Variants in MYO3A observed in about 807,000 individuals in gnomAD.
MYO3A encodes the protein myosin IIIA.
In MYO3A, 180 loss-of-function variants were observed where a neutral mutation model predicts 192.7. The ratio of observed to expected loss-of-function variants is 0.93; its 90% CI spans 0.83 to 1.06. MYO3A has a LOEUF of 1.06. MYO3A is among the 50% of genes least tolerant of loss of function. MYO3A has a pLI of 0.00. For synonymous variants in MYO3A, 628 were observed against 645.3 expected (o/e 0.97, Z 0.41); for missense variants, 1,896 against 1,905.0 (o/e 1.00, Z 0.09).
At chr10:26,168,623 T>C (rs1421125161) in intron 27 of MYO3A, 89 bp from the exon 28 acceptor site, 19 of 1,361,278 alleles carry the variant, frequency 1.4e-5, no homozygotes, top group Non-Finnish European at 1.9e-5. Flanking sequence ...CTCAAGCAAT[T>C]TAGAATGTGT....
At chr10:25,943,866 T>A (rs1836664360) in intron 2 of MYO3A, among the ~76,000 whole-genome samples, 1 of 151,778 alleles carries the variant, frequency 6.6e-6, no homozygotes, top group Non-Finnish European at 1.5e-5. Context: ...ATTTCAATTC[T>A]TTCTTTCCAG....
chr10:26,148,998 C>T (rs189326800), intron 23 of MYO3A, among the ~76,000 whole-genome samples: 117 of 152,068 alleles, frequency 7.7e-4, no homozygotes, highest in Admixed American at 1.8e-3. Context: ...TGGCTAGAAT[C>T]ACAATGCAAT....
At chr10:26,003,906 C>G (rs1169809777) in intron 6 of MYO3A, among the ~76,000 whole-genome samples, 3 of 152,100 alleles carry the variant, frequency 2.0e-5, no homozygotes, top group Non-Finnish European at 2.9e-5. Context: ...CATTTTAGAC[C>G]AAATCCCCAA....
chr10:25,939,683 T>G (rs1252463670), intron 2 of MYO3A, among the ~76,000 whole-genome samples: 1 of 151,788 alleles, frequency 6.6e-6, no homozygotes, highest in East Asian at 1.9e-4. Context: ...GCTCAGAGAG[T>G]GTATCTATTC....
chr10:25,947,110 G>A (rs747118290), intron 2 of MYO3A, among the ~76,000 whole-genome samples: 11 of 151,222 alleles, frequency 7.3e-5, no homozygotes, highest in South Asian at 2.1e-4. Flanking sequence ...ATATTCCTTC[G>A]TTCTTTTTTC....
intron 12 of MYO3A, among the ~76,000 whole-genome samples, chr10:26,069,705 C>A (rs7097387): frequency 2.0e-5 from 3 of 151,628 alleles, no homozygotes; most frequent in Non-Finnish European, 4.4e-5. Flanking sequence ...TGTTAAATGA[C>A]GTGAAAGGAA....
intron 10 of MYO3A, among the ~76,000 whole-genome samples, chr10:26,028,116 T>C (rs1209059775): frequency 6.6e-6 from 1 of 152,240 alleles, no homozygotes; most frequent in Non-Finnish European, 1.5e-5. Flanking sequence ...GCCTACTATG[T>C]GCCAGATTTT....
At chr10:25,969,053 T>C (rs1449551507) in intron 4 of MYO3A, among the ~76,000 whole-genome samples, 6 of 152,222 alleles carry the variant, frequency 3.9e-5, no homozygotes, top group South Asian at 2.1e-4. Flanking sequence ...TCCTGGCTAA[T>C]ACGGTGAAAC....
chr10:26,001,295 A>G (rs934706701), intron 6 of MYO3A, among the ~76,000 whole-genome samples: 2 of 152,140 alleles, frequency 1.3e-5, no homozygotes, highest in Admixed American at 1.3e-4. Context: ...AGCTTTTCCA[A>G]ACCCTTAGCT....
At chr10:26,073,644 AATAAT>A (rs1835352010) in intron 14 of MYO3A, among the ~76,000 whole-genome samples, 1 of 151,266 alleles carries the variant, frequency 6.6e-6, no homozygotes, top group African/African-American at 2.4e-5. Context: ...TAATAATAAT[AATAAT>A]GATAATAAAT....
intron 29 of MYO3A, among the ~76,000 whole-genome samples, chr10:26,171,873 A>G (rs1168852884): frequency 6.6e-6 from 1 of 152,208 alleles, no homozygotes; most frequent in Non-Finnish European, 1.5e-5. Flanking sequence ...AGGAAGTGTG[A>G]TGTTCAATTA....
intron 26 of MYO3A, among the ~76,000 whole-genome samples, chr10:26,164,895 G>A (rs907263730): frequency 6.6e-6 from 1 of 152,154 alleles, no homozygotes; most frequent in African/African-American, 2.4e-5. Flanking sequence ...ATGCAGAGTC[G>A]CCGCTACTGG....
Position 26,065,973 on chromosome 10 carries a change from G to A in MYO3A, c.954-1002G>A, listed in dbSNP as rs1489243955. 2.2e-5 allele frequency among the ~76,000 whole-genome samples: 2 copies of A among 92,304 alleles called. 1 individual carries two copies. Among genetic ancestry groups the A allele is most frequent in the East Asian group, 4.9e-4 (2 of 4,054 alleles). 60.6% of individuals were successfully genotyped at this position (92,304 alleles called of 152,430 possible). A position where few individuals can be genotyped will look rare whatever the true frequency, so the allele number is the denominator to read the frequency against. On this transcript the variant is annotated intron_variant, in intron 10 of 34. Coordinates refer to ENST00000642920, the MANE Select transcript of MYO3A (RefSeq NM_017433.5). The stretch of plus-strand genomic sequence containing the variant: ...TCTACTAAAAATACAAAAATTAGCC[G>A]GGCATGGTGGCGCGTGCCTATAGTC...
At chr10:25,950,134 A>G (rs1357916153) in intron 2 of MYO3A, among the ~76,000 whole-genome samples, 1 of 152,094 alleles carries the variant, frequency 6.6e-6, no homozygotes. Flanking sequence ...GGGCCTTTCT[A>G]AGAAATTGAC....
chr10:26,100,205 T>C (rs1229308909), intron 17 of MYO3A, among the ~76,000 whole-genome samples: 1 of 152,208 alleles, frequency 6.6e-6, no homozygotes, highest in Non-Finnish European at 1.5e-5. Flanking sequence ...TAGAGGTGTT[T>C]ATATTAATCT....
chr10:26,101,983 A>G (rs940623615), intron 17 of MYO3A, among the ~76,000 whole-genome samples: 15 of 152,118 alleles, frequency 9.9e-5, no homozygotes. Flanking sequence ...ATAATATCCT[A>G]AAGAGTGTTT....
intron 18 of MYO3A, among the ~76,000 whole-genome samples, 169 bp from the exon 19 acceptor site, chr10:26,125,229 T>C (rs1839143033): frequency 6.6e-6 from 1 of 152,184 alleles, no homozygotes; most frequent in African/African-American, 2.4e-5. Flanking sequence ...AGAAAAATGA[T>C]CAAGAAGAGA....
intron 14 of MYO3A, 30 bp downstream of exon 14, chr10:26,070,431 A>G: frequency 6.4e-7 from 1 of 1,567,906 alleles, no homozygotes; most frequent in Non-Finnish European, 8.8e-7. Context: ...CTGTCCCATC[A>G]GAAATATTTG....
At chr10:26,044,203 C>A (rs1303695301) in intron 10 of MYO3A, among the ~76,000 whole-genome samples, 2 of 152,186 alleles carry the variant, frequency 1.3e-5, no homozygotes, top group African/African-American at 4.8e-5. Flanking sequence ...AAACAAAGTC[C>A]TCTTTACTCT....
Sources: allele counts gnomAD v4.1 joint callset (sites outside exome capture counted in the v4.1 genomes callset), GRCh38; gene constraint gnomAD v4.1.1; transcripts MANE v1.5; gene names NCBI Gene and HGNC (gene_info 2026-07-23, HGNC 2026-07-21).